KIF15: variants seen among roughly 807,000 people sequenced by gnomAD.
The protein encoded by KIF15 is kinesin-like protein KIF15.
Under a neutral mutation model 190.6 loss-of-function variants are expected in KIF15, and 140 were observed. The ratio of observed to expected loss-of-function variants is 0.73; its 90% CI spans 0.64 to 0.84. The LOEUF is 0.84. Ranked by LOEUF, KIF15 falls within the 40% of genes least tolerant of loss-of-function variation. The probability of loss-of-function intolerance (pLI) is 0.00; values close to 1 mark genes in which losing one functional copy is unlikely to be tolerated. For missense variants in KIF15, 1,372 were observed against 1,584.4 expected, an observed-to-expected ratio of 0.87 and a Z score of 2.28; for synonymous variants, 528 against 551.3, an observed-to-expected ratio of 0.96 and a Z score of 0.59.
intron 20 of KIF15, 114 bp from the exon 21 acceptor site, chr3:44,825,925 C>A (rs560127879): frequency 3.3e-6 from 3 of 902,946 alleles, no homozygotes; most frequent in Admixed American, 6.4e-5. Context: ...TCACTCGAGG[C>A]TTATGTGAGT....
At chr3:44,781,165 G>A (rs1044698507) in intron 5 of KIF15, among the ~76,000 whole-genome samples, 4 of 152,168 alleles carry the variant, frequency 2.6e-5, no homozygotes, top group Non-Finnish European at 4.4e-5. Context: ...CAGTTTTTCA[G>A]TAGGATTTAA....
chr3:44,848,063 AT>A lies in KIF15; in HGVS notation c.3768+15del, dbSNP rs202047199. 1.1e-4 allele frequency: 167 copies of A among 1,535,158 alleles called. No homozygotes were observed. Among genetic ancestry groups the A allele is most frequent in the African/African-American group, 2.9e-4 (21 of 72,866 alleles). ...TCAAAGAAAGACTTGCAAAAGTAAGATTTTTTTTTATGTAATAGTTTCTTCT... is the reference window on the plus strand; with the variant it reads ...TCAAAGAAAGACTTGCAAAAGTAAGATTTTTTTTATGTAATAGTTTCTTCT... On this transcript the variant is annotated splice_region_variant and intron_variant, in intron 31 of 34. Coordinates refer to ENST00000326047, the MANE Select transcript of KIF15 (RefSeq NM_020242.3).
intron 6 of KIF15, among the ~76,000 whole-genome samples, chr3:44,859,979 C>G (rs888456598): frequency 2.0e-5 from 3 of 152,162 alleles, no homozygotes; most frequent in Admixed American, 6.5e-5. Flanking sequence ...GCCATCATCA[C>G]CAGGGCTGGG....
At chr3:44,826,318 G>T (rs1373089737) in intron 21 of KIF15, 57 bp from the exon 22 acceptor site, 2 of 1,570,830 alleles carry the variant, frequency 1.3e-6, no homozygotes, top group Non-Finnish European at 8.7e-7. Flanking sequence ...TACTTGACAT[G>T]TTCGTTGACT....
At chr3:44,778,522 A>AC (rs1020260686) in intron 4 of KIF15, among the ~76,000 whole-genome samples, 2 of 151,928 alleles carry the variant, frequency 1.3e-5, no homozygotes, top group Admixed American at 1.3e-4. Context: ...CCTTAGTCAC[A>AC]CCTCCCTCTG....
chr3:44,815,140 T>A, intron 20 of KIF15, 64 bp downstream of exon 20: 1 of 1,311,040 alleles, frequency 7.6e-7, no homozygotes, highest in Non-Finnish European at 1.0e-6. Context: ...TGTTTGAAGT[T>A]GGAAGTGTTA....
chr3:44,861,896 G>A (rs1476972781), intron 6 of KIF15: 7 of 1,487,958 alleles, frequency 4.7e-6, no homozygotes, highest in Non-Finnish European at 6.2e-6. Flanking sequence ...TGCGGGCAGC[G>A]GGTGCCAGGC....
At chr3:44,767,465 A>T (rs1705444907) in intron 1 of KIF15, among the ~76,000 whole-genome samples, 1 of 152,204 alleles carries the variant, frequency 6.6e-6, no homozygotes, top group African/African-American at 2.4e-5. Flanking sequence ...AACTGGAAAG[A>T]TGGAGTTAAC....
intron 4 of KIF15, 85 bp downstream of exon 4, chr3:44,778,276 T>C (rs1312191693): frequency 2.8e-6 from 3 of 1,075,024 alleles, no homozygotes; most frequent in African/African-American, 1.5e-5. Flanking sequence ...ACAAACGTAG[T>C]GGCTTAAAAC....
intron 8 of KIF15, among the ~76,000 whole-genome samples, chr3:44,796,442 A>T (rs964483547): frequency 2.2e-4 from 33 of 152,196 alleles, no homozygotes; most frequent in African/African-American, 7.7e-4. Context: ...AACCTTCCCA[A>T]CAACTCTGGG....
At chr3:44,848,772 A>G (rs1181435208) in intron 32 of KIF15, among the ~76,000 whole-genome samples, 1 of 152,214 alleles carries the variant, frequency 6.6e-6, no homozygotes, top group Non-Finnish European at 1.5e-5. Context: ...AAATAGCAGG[A>G]AAAGCCTAGC....
intron 26 of KIF15, among the ~76,000 whole-genome samples, chr3:44,833,641 GAAGCTGTGCT>G (rs762140991): frequency 0.045 from 6,918 of 152,226 alleles, 204 homozygotes; most frequent in Non-Finnish European, 0.065. Flanking sequence ...AAATACAGAT[GAAGCTGTGCT>G]CGCTTTCCTC....
rs185602734 is a variant in KIF15, at chr3:44,839,288, G to T, written c.3318+867G>T. 4.6e-5 allele frequency among the ~76,000 whole-genome samples: 7 copies of T among 152,086 alleles called. No homozygotes were observed. In the East Asian group the frequency reaches 1.2e-3, roughly 25 times the overall value. On this transcript the variant is annotated intron_variant, in intron 27 of 34. Transcript: ENST00000326047. ...TCGGGAAGGCTGAGGCAGGAGAATGGTGTGAACCCGGGAGGCGGAGCTTGC... is the reference window on the plus strand; with the variant it reads ...TCGGGAAGGCTGAGGCAGGAGAATGTTGTGAACCCGGGAGGCGGAGCTTGC...
At chr3:44,867,512 G>A (rs1157282456) in intron 6 of KIF15, among the ~76,000 whole-genome samples, 1 of 152,200 alleles carries the variant, frequency 6.6e-6, no homozygotes, top group Non-Finnish European at 1.5e-5. Context: ...TAGTGAAAAG[G>A]GCAGAAAGAA....
rs565410288 is a variant in KIF15 at position 44,861,907 on chromosome 3, A to T, written c.*59+9113A>T. 61 of 1,486,970 alleles carry T rather than the reference A, an allele frequency of 4.1e-5. No individual in the cohort carries two copies. In the African/African-American group the frequency reaches 8.5e-4, roughly 21 times the overall value. 92.1% of individuals were successfully genotyped at this position (1,486,970 alleles called of 1,614,324 possible). ...GCCCTGCGGGCAGCGGGTGCCAGGC[A>T]CGGTGTCAGCAGGCAACATGGCCGA... On this transcript the variant is annotated intron_variant and NMD_transcript_variant, in intron 6 of 6. Transcript: ENST00000422209.
At position 44,802,951 on chromosome 3, in the gene KIF15, AG is replaced by A. The variant is rs761258250; in HGVS notation, c.1648del (p.Ala550LeufsTer5). ...CCCAGACCATTGCAAAACTAGAAAA[AG>A]CTTTCTCTGAAATAAGTGGCATGGA... ...DAQTIAKLEK[A>X]FSEISGMEKS... On this transcript the variant is annotated frameshift_variant, in exon 14 of 35. Transcript: ENST00000326047. LOFTEE classifies it high-confidence loss of function. 1.2e-6 allele frequency: 2 copies of A among 1,603,844 alleles called. No homozygotes were observed. The highest frequency in any genetic ancestry group is 1.7e-6 in the Non-Finnish European group (2 of 1,177,638).
chr3:44,808,678 G>GTT (rs1209574327), intron 16 of KIF15, among the ~76,000 whole-genome samples: 4 of 149,818 alleles, frequency 2.7e-5, no homozygotes, highest in Admixed American at 6.7e-5. Context: ...ATATGCCTTA[G>GTT]ATCTTTCCAC....
At chr3:44,865,516 CAA>C in intron 6 of KIF15, 2 of 271,458 alleles carry the variant, frequency 7.4e-6, no homozygotes, top group Non-Finnish European at 1.4e-5. Context: ...TGTTGCCAAA[CAA>C]AAGCCAGTCA....
chr3:44,811,409 G>T (rs1707776432), intron 17 of KIF15, among the ~76,000 whole-genome samples: 1 of 152,224 alleles, frequency 6.6e-6, no homozygotes, highest in Non-Finnish European at 1.5e-5. Flanking sequence ...ACTTTGGGAG[G>T]CTGAGGCAGG....
Sources: gnomAD v4.1 joint callset for allele counts (sites outside exome capture counted in the v4.1 genomes callset) on GRCh38, gnomAD v4.1.1 for gene constraint, MANE v1.5 for transcripts, NCBI Gene and HGNC (gene_info 2026-07-23, HGNC 2026-07-21) for gene names.